The following IQCJ variants were observed in gnomAD, a reference collection of about 807,000 sequenced individuals.
IQCJ encodes the protein IQ motif containing J, also known as IQ domain-containing protein J.
Under a neutral mutation model 11.0 loss-of-function variants are expected in IQCJ, and 9 were observed. The observed-to-expected ratio is 0.82, with a 90% CI of 0.49 to 1.43. The LOEUF (loss-of-function observed/expected upper bound fraction) is 1.43, where lower values mean the gene tolerates loss of function less well. Among genes scored for constraint, IQCJ ranks in the 40% most tolerant of loss-of-function variants. IQCJ has a pLI of 0.00. For missense variants in IQCJ, 146 were observed against 133.2 expected (o/e 1.10, Z -0.47); for synonymous variants, 55 against 51.3 (o/e 1.07, Z -0.31).
chr3:159,101,509 G>A (rs961485266), intron 1 of IQCJ, among the ~76,000 whole-genome samples: 2 of 152,186 alleles, frequency 1.3e-5, no homozygotes, highest in Admixed American at 6.5e-5. Context: ...GAAGGGGAGA[G>A]CCACTCAGTG....
chr3:159,128,530 T>C (rs1719802763), intron 1 of IQCJ, among the ~76,000 whole-genome samples: 1 of 152,194 alleles, frequency 6.6e-6, no homozygotes, highest in Non-Finnish European at 1.5e-5. Flanking sequence ...ATTCTCAATC[T>C]TGGCGTCTCA....
At chr3:159,201,547 T>C (rs1384836981) in intron 1 of IQCJ, among the ~76,000 whole-genome samples, 1 of 151,626 alleles carries the variant, frequency 6.6e-6, no homozygotes, top group Non-Finnish European at 1.5e-5. Flanking sequence ...GTAAAAACCA[T>C]TTATTTTGGA....
chr3:159,193,293 A>C (rs868491135), intron 1 of IQCJ, among the ~76,000 whole-genome samples: 1 of 152,220 alleles, frequency 6.6e-6, no homozygotes, highest in Non-Finnish European at 1.5e-5. Flanking sequence ...CAACTTCTCC[A>C]TCTACCTAAT....
chr3:159,196,753 G>C (rs1724004732), intron 1 of IQCJ, among the ~76,000 whole-genome samples: 1 of 152,128 alleles, frequency 6.6e-6, no homozygotes, highest in Admixed American at 6.6e-5. Flanking sequence ...ATGTTTCAGA[G>C]AAATCAAGGC....
chr3:159,122,373 C>A (rs1281590032), intron 1 of IQCJ, among the ~76,000 whole-genome samples: 1 of 152,156 alleles, frequency 6.6e-6, no homozygotes, highest in African/African-American at 2.4e-5. Context: ...CTTGGAGGAA[C>A]TGTTCGATAT....
intron 1 of IQCJ, among the ~76,000 whole-genome samples, chr3:159,161,679 T>G (rs376042276): frequency 6.6e-6 from 1 of 152,230 alleles, no homozygotes; most frequent in South Asian, 2.1e-4. Flanking sequence ...ACGTTTAAGT[T>G]TTTAATCCAT....
chr3:159,193,823 A>G (rs1473125143), intron 1 of IQCJ, among the ~76,000 whole-genome samples: 1 of 152,174 alleles, frequency 6.6e-6, no homozygotes, highest in African/African-American at 2.4e-5. Flanking sequence ...TGAAATCTAG[A>G]TAAGACTTAG....
chr3:159,224,936 T>C (rs1725763256), intron 1 of IQCJ, among the ~76,000 whole-genome samples: 1 of 152,170 alleles, frequency 6.6e-6, no homozygotes, highest in Non-Finnish European at 1.5e-5. Flanking sequence ...CATGTATTGC[T>C]CATTAGAAAA....
chr3:159,070,686 G>A (rs1247176761), intron 1 of IQCJ, among the ~76,000 whole-genome samples: 1 of 152,064 alleles, frequency 6.6e-6, no homozygotes, highest in East Asian at 1.9e-4. Flanking sequence ...GAGGTAGCAA[G>A]TCAAATAGCA....
At chr3:159,260,429 A>G in intron 3 of IQCJ, among the ~76,000 whole-genome samples, 1 of 152,344 alleles carries the variant, frequency 6.6e-6, no homozygotes, top group East Asian at 1.9e-4. Context: ...ATTTTTAGAC[A>G]GCCTTTAAAA....
intron 1 of IQCJ, among the ~76,000 whole-genome samples, chr3:159,219,978 A>T (rs1725445183): frequency 6.6e-6 from 1 of 152,014 alleles, no homozygotes; most frequent in African/African-American, 2.4e-5. Context: ...TTTGCCCTGT[A>T]TGTTTTTGAA....
intron 1 of IQCJ, among the ~76,000 whole-genome samples, chr3:159,127,627 G>A (rs779344408): frequency 6.6e-6 from 1 of 152,178 alleles, no homozygotes; most frequent in Non-Finnish European, 1.5e-5. Flanking sequence ...AGAAATGACT[G>A]TTCCTGGACA....
At chr3:159,107,030 T>A (rs2108111322) in intron 1 of IQCJ, among the ~76,000 whole-genome samples, 1 of 152,342 alleles carries the variant, frequency 6.6e-6, no homozygotes, top group Middle Eastern at 3.4e-3. Flanking sequence ...CTGCAAATTA[T>A]GACCCCTACT....
At position 159,242,010 on chromosome 3, in the gene IQCJ, T is replaced by C. The variant is rs185621626; in HGVS notation, c.10-3833T>C. ...ATATCTGGATGAAGTGAGGAAGCCATGTGAGGGTAATGTTGATTGTAATTG... is the reference window on the plus strand; with the variant it reads ...ATATCTGGATGAAGTGAGGAAGCCACGTGAGGGTAATGTTGATTGTAATTG... On this transcript the variant is annotated intron_variant, in intron 1 of 3. Transcript: ENST00000397832. 2.0e-5 allele frequency among the ~76,000 whole-genome samples: 3 copies of C among 152,304 alleles called. No individual in the cohort carries two copies. In the East Asian group the frequency reaches 5.8e-4, roughly 29 times the overall value.
At chr3:159,092,332 C>T (rs1290788910) in intron 1 of IQCJ, among the ~76,000 whole-genome samples, 1 of 151,874 alleles carries the variant, frequency 6.6e-6, no homozygotes, top group Non-Finnish European at 1.5e-5. Context: ...CAAACAGAAA[C>T]ATAGCATCCA....
chr3:159,180,304 G>GTCTCTCTCTC (rs200690205), intron 1 of IQCJ, among the ~76,000 whole-genome samples: 7,107 of 151,988 alleles, frequency 0.047, 533 homozygotes, highest in African/African-American at 0.16. Flanking sequence ...CTCTCTTTCT[G>GTCTCTCTCTC]TCTCTCTCTG....
At chr3:159,256,349 GA>G (rs1432129308) in intron 3 of IQCJ, among the ~76,000 whole-genome samples, 2 of 152,206 alleles carry the variant, frequency 1.3e-5, no homozygotes, top group Non-Finnish European at 2.9e-5. Flanking sequence ...AAAGGAGAGA[GA>G]GGGGCAGAGA....
intron 1 of IQCJ, among the ~76,000 whole-genome samples, chr3:159,146,075 T>G (rs1193825855): frequency 6.6e-6 from 1 of 152,174 alleles, no homozygotes; most frequent in Non-Finnish European, 1.5e-5. Flanking sequence ...CTGTGGGAAG[T>G]GCATTCAATT....
chr3:159,167,795 T>A (rs1244963400), intron 1 of IQCJ, among the ~76,000 whole-genome samples: 1 of 152,166 alleles, frequency 6.6e-6, no homozygotes, highest in Non-Finnish European at 1.5e-5. Context: ...ATAGATATAT[T>A]TTGTCTATAT....
Sources: allele counts gnomAD v4.1 joint callset (sites outside exome capture counted in the v4.1 genomes callset), GRCh38; gene constraint gnomAD v4.1.1; transcripts MANE v1.5; gene names NCBI Gene and HGNC (gene_info 2026-07-23, HGNC 2026-07-21).